The following NRG3 variants were observed in gnomAD, a reference collection of about 807,000 sequenced individuals.
The protein encoded by NRG3 is pro-neuregulin-3, membrane-bound isoform.
In NRG3, 31 loss-of-function variants were observed where a neutral mutation model predicts 66.9. The observed-to-expected ratio is 0.46, with a 90% CI of 0.35 to 0.63. NRG3 has a LOEUF of 0.63. NRG3 is among the 20% of genes least tolerant of loss of function. The probability of loss-of-function intolerance (pLI) is 0.00; values close to 1 mark genes in which losing one functional copy is unlikely to be tolerated. For synonymous variants in NRG3, 393 were observed against 359.4 expected, an observed-to-expected ratio of 1.09 and a Z score of -1.06; for missense variants, 910 against 878.9, an observed-to-expected ratio of 1.04 and a Z score of -0.45.
intron 1 of NRG3, among the ~76,000 whole-genome samples, chr10:82,314,938 C>G (rs982031221): frequency 2.6e-5 from 4 of 152,162 alleles, no homozygotes. Flanking sequence ...ACTCTTAACT[C>G]TCTAGGACCT....
At chr10:82,582,662 T>TGTG (rs2046424060) in intron 2 of NRG3, among the ~76,000 whole-genome samples, 313 of 146,478 alleles carry the variant, frequency 2.1e-3, no homozygotes, top group African/African-American at 7.0e-3. Context: ...TCTATATGTG[T>TGTG]TGTGTGTGTG....
At chr10:82,379,234 C>CT (rs2085453800) in intron 2 of NRG3, among the ~76,000 whole-genome samples, 2 of 152,154 alleles carry the variant, frequency 1.3e-5, no homozygotes, top group Non-Finnish European at 2.9e-5. Flanking sequence ...CATTTCCACT[C>CT]TAACACCGTA....
At chr10:82,456,074 A>G (rs1212170178) in intron 2 of NRG3, among the ~76,000 whole-genome samples, 1 of 151,926 alleles carries the variant, frequency 6.6e-6, no homozygotes. Flanking sequence ...ACAGCTGCCC[A>G]AAAATATCTG....
At chr10:82,653,812 C>G (rs2051626984) in intron 2 of NRG3, among the ~76,000 whole-genome samples, 1 of 152,218 alleles carries the variant, frequency 6.6e-6, no homozygotes, top group East Asian at 1.9e-4. Flanking sequence ...GCGAGGGCCT[C>G]ATCAAGTTGG....
At chr10:82,879,647 C>T (rs2483297) in intron 4 of NRG3, among the ~76,000 whole-genome samples, 94,573 of 151,470 alleles carry the variant, frequency 0.62, 31,076 homozygotes, top group African/African-American at 0.84. Flanking sequence ...TAATTTTTTT[C>T]GTATTTTTTA....
intron 1 of NRG3, among the ~76,000 whole-genome samples, chr10:82,124,289 A>G (rs1027818488): frequency 3.3e-5 from 5 of 152,052 alleles, no homozygotes; most frequent in Non-Finnish European, 5.9e-5. Context: ...GGGACTCTTC[A>G]TCCACATCTG....
intron 2 of NRG3, among the ~76,000 whole-genome samples, chr10:82,406,110 A>T (rs2087498249): frequency 6.6e-6 from 1 of 152,210 alleles, no homozygotes; most frequent in Non-Finnish European, 1.5e-5. Flanking sequence ...AGCAGGAAGA[A>T]GTATGAACAA....
chr10:82,068,734 C>A (rs550814086), intron 1 of NRG3, among the ~76,000 whole-genome samples: 33 of 152,186 alleles, frequency 2.2e-4, no homozygotes, highest in Middle Eastern at 3.4e-3. Flanking sequence ...TGCAGAGAGA[C>A]AGTGGGAAGA....
At chr10:82,125,505 A>G (rs2132423623) in intron 1 of NRG3, among the ~76,000 whole-genome samples, 1 of 152,200 alleles carries the variant, frequency 6.6e-6, no homozygotes, top group Non-Finnish European at 1.5e-5. Flanking sequence ...TTGAAAAATG[A>G]TAACTAGCTG....
intron 4 of NRG3, among the ~76,000 whole-genome samples, chr10:82,905,464 A>C (rs1844643503): frequency 6.6e-6 from 1 of 152,094 alleles, no homozygotes; most frequent in African/African-American, 2.4e-5. Flanking sequence ...TAGCACCAAA[A>C]TCTCTATTAT....
chr10:81,961,674 GC>G lies in NRG3; in HGVS notation c.823+85512del, dbSNP rs1483620766. On this transcript the variant is annotated intron_variant, in intron 1 of 8. Transcript: ENST00000372141. ...GCAGGAGACAATTGGAAAGGAAACA[GC>G]TTTAACTGTGTCCATTTTGGCCAGC... Among the ~76,000 whole-genome samples, 229 of 152,364 alleles carry G rather than the reference GC, an allele frequency of 1.5e-3. 3 individuals carry two copies. Among genetic ancestry groups the G allele is most frequent in the Non-Finnish European group, 5.3e-4 (36 of 68,034 alleles).
At chr10:82,138,525 C>A (rs1248328339) in intron 1 of NRG3, among the ~76,000 whole-genome samples, 2 of 152,034 alleles carry the variant, frequency 1.3e-5, no homozygotes, top group Non-Finnish European at 2.9e-5. Flanking sequence ...TAGTCAGGTT[C>A]TCTAGAGGGA....
At chr10:82,822,552 G>T (rs2061998540) in intron 3 of NRG3, among the ~76,000 whole-genome samples, 1 of 152,182 alleles carries the variant, frequency 6.6e-6, no homozygotes, top group African/African-American at 2.4e-5. Flanking sequence ...TTGCAGGTGT[G>T]ATTTCTAGAG....
chr10:82,206,404 C>A (rs1431198407), intron 1 of NRG3, among the ~76,000 whole-genome samples: 1 of 152,162 alleles, frequency 6.6e-6, no homozygotes, highest in East Asian at 1.9e-4. Context: ...TAATAAGCTG[C>A]AGACTTGGGC....
intron 3 of NRG3, among the ~76,000 whole-genome samples, chr10:82,821,710 T>C (rs899734912): frequency 6.6e-6 from 1 of 152,166 alleles, no homozygotes; most frequent in Middle Eastern, 3.2e-3. Context: ...GCATTTAACA[T>C]CTGCAGAGAG....
intron 1 of NRG3, among the ~76,000 whole-genome samples, chr10:82,101,162 T>C (rs1397644576): frequency 6.6e-6 from 1 of 152,002 alleles, no homozygotes; most frequent in African/African-American, 2.4e-5. Context: ...CCATAAGGTC[T>C]CAGTGGTGTT....
At chr10:82,836,364 G>C (rs1020449659) in intron 3 of NRG3, among the ~76,000 whole-genome samples, 39 of 152,274 alleles carry the variant, frequency 2.6e-4, no homozygotes, top group African/African-American at 9.4e-4. Flanking sequence ...ATGTCTTCAT[G>C]GGAAAGGTAT....
At chr10:82,429,593 G>A (rs1203103049) in intron 2 of NRG3, among the ~76,000 whole-genome samples, 1 of 151,980 alleles carries the variant, frequency 6.6e-6, no homozygotes, top group African/African-American at 2.4e-5. Context: ...ATGTATTTGT[G>A]TGTGAATTTC....
intron 1 of NRG3, among the ~76,000 whole-genome samples, chr10:81,920,269 A>C (rs1301838665): frequency 6.6e-6 from 1 of 152,136 alleles, no homozygotes; most frequent in East Asian, 1.9e-4. Context: ...GGAAATCTTA[A>C]AGTCAATGCT....
Sources: allele counts gnomAD v4.1 joint callset (sites outside exome capture counted in the v4.1 genomes callset), GRCh38; gene constraint gnomAD v4.1.1; transcripts MANE v1.5; gene names NCBI Gene and HGNC (gene_info 2026-07-23, HGNC 2026-07-21).